The following FAM133A variants were observed in gnomAD, a reference collection of about 807,000 sequenced individuals.
FAM133A encodes the protein family with sequence similarity 133 member A.
For synonymous variants in FAM133A, 65 were observed against 58.6 expected (o/e 1.11, Z -0.50); for missense variants, 159 against 164.4 (o/e 0.97, Z 0.18).
chrX:93,696,823 G>A (rs1926314792), intron 2 of FAM133A, among the ~76,000 whole-genome samples: 1 of 109,975 alleles, frequency 9.1e-6, no homozygotes, highest in African/African-American at 3.3e-5. Flanking sequence ...GGGAGGCTGA[G>A]TCAGGAGAAT....
At chrX:93,708,010 C>T (rs900596009) in intron 3 of FAM133A, among the ~76,000 whole-genome samples, 3 of 111,581 alleles carry the variant, frequency 2.7e-5, no homozygotes, top group African/African-American at 9.8e-5. Flanking sequence ...ATAAAATAAA[C>T]GATGAACTAT....
chrX:93,688,747 G>C (rs1485414896), intron 2 of FAM133A, among the ~76,000 whole-genome samples: 6 of 110,622 alleles, frequency 5.4e-5, no homozygotes, highest in African/African-American at 2.0e-4. Flanking sequence ...GCTTTGTGGG[G>C]ATAGAAAAAA....
intron 3 of FAM133A, among the ~76,000 whole-genome samples, chrX:93,698,850 T>C (rs1926495127): frequency 9.0e-6 from 1 of 111,525 alleles, no homozygotes; most frequent in Non-Finnish European, 1.9e-5. Context: ...AGAGCTTCAG[T>C]GGTGAACTCT....
chrX:93,682,766 C>T (rs952680895), intron 2 of FAM133A, among the ~76,000 whole-genome samples: 1 of 110,740 alleles, frequency 9.0e-6, no homozygotes, highest in African/African-American at 3.3e-5. Flanking sequence ...CAGGCGTTCA[C>T]CACCATGCCC....
intron 2 of FAM133A, among the ~76,000 whole-genome samples, chrX:93,695,314 C>T (rs1004101661): frequency 9.0e-6 from 1 of 110,752 alleles, no homozygotes; most frequent in African/African-American, 3.3e-5. Context: ...AGTTCAATGG[C>T]GCAATCTAGG....
In FAM133A at chrX:93,710,255, C is replaced by A; in HGVS notation, c.*89C>A. The A allele has an allele frequency of 9.7e-7, 1 of 1,033,899 alleles. No individual in the cohort carries two copies. Among genetic ancestry groups the A allele is most frequent in the Non-Finnish European group, 1.3e-6 (1 of 785,187 alleles). 85.2% of individuals were successfully genotyped at this position (1,033,899 alleles called of 1,213,427 possible). A position where few individuals can be genotyped will look rare whatever the true frequency, so the allele number is the denominator to read the frequency against. On this transcript the variant is annotated 3_prime_UTR_variant, in exon 4 of 4. Coordinates refer to ENST00000683942, the MANE Select transcript of FAM133A (RefSeq NM_001171109.2). ...ACTTTGAGTTGCCTATCAAATCCCA[C>A]TGTGCCAGTAAGGGGCATAGTGGCT...
At chrX:93,677,813 G>T (rs1924824455) in intron 2 of FAM133A, among the ~76,000 whole-genome samples, 1 of 111,850 alleles carries the variant, frequency 8.9e-6, no homozygotes, top group Admixed American at 9.5e-5. Context: ...ACAATTTGTT[G>T]ATGGGCATTT....
In FAM133A at chrX:93,709,459, A is replaced by G. The variant is rs1447964912; in HGVS notation, c.40A>G (p.Ile14Val). Residue 14 changes from isoleucine to valine, a missense_variant, in exon 4 of 4, where the codon ATA (isoleucine) becomes GTA (valine). Transcript: ENST00000683942. ...RDNRVAYMNPIAMARWRGPTQ... is the reference protein window; with the variant it reads ...RDNRVAYMNPVAMARWRGPTQ... The stretch of plus-strand genomic sequence containing the variant: ...TAATCGGGTAGCCTATATGAATCCT[A>G]TAGCAATGGCCAGATGGAGAGGCCC... 3.4e-6 allele frequency: 4 copies of G among 1,193,617 alleles called. No homozygotes were observed. Among genetic ancestry groups the G allele is most frequent in the South Asian group, 1.9e-5 (1 of 53,145 alleles).
At position 93,711,474 on chromosome X, in the gene FAM133A, T is replaced by G. The variant is rs1927440870; in HGVS notation, c.*1308T>G. 1 of 122,809 alleles carries G rather than the reference T, an allele frequency of 8.1e-6. No homozygotes were observed. Among genetic ancestry groups the G allele is most frequent in the Admixed American group, 9.6e-5 (1 of 10,422 alleles). 10.1% of individuals were successfully genotyped at this position (122,809 alleles called of 1,213,427 possible). A position where few individuals can be genotyped will look rare whatever the true frequency, so the allele number is the denominator to read the frequency against. On this transcript the variant is annotated 3_prime_UTR_variant, in exon 4 of 4. Transcript: ENST00000683942. ...ACTAGTGTAAAAATAAGTGAAAAAA[T>G]ATTTTTACTTTACATTTTTATATAT... is the stretch of plus-strand genomic sequence containing the variant.
intron 3 of FAM133A, among the ~76,000 whole-genome samples, chrX:93,702,078 T>C (rs1427477777): frequency 8.9e-6 from 1 of 112,126 alleles, no homozygotes; most frequent in Non-Finnish European, 1.9e-5. Flanking sequence ...TGCAAAGTGC[T>C]TAATTTAAAC....
intron 3 of FAM133A, among the ~76,000 whole-genome samples, chrX:93,698,963 C>A (rs1602834359): frequency 9.0e-6 from 1 of 110,582 alleles, no homozygotes; most frequent in East Asian, 2.8e-4. Context: ...CCACACCTAA[C>A]TTTTTCAAGG....
chrX:93,700,842 G>A (rs1436633960), intron 3 of FAM133A, among the ~76,000 whole-genome samples: 1 of 111,244 alleles, frequency 9.0e-6, no homozygotes, highest in African/African-American at 3.3e-5. Context: ...TCTCTTTTCA[G>A]AAATACATTA....
At chrX:93,693,051 G>T (rs888419088) in intron 2 of FAM133A, among the ~76,000 whole-genome samples, 2 of 111,296 alleles carry the variant, frequency 1.8e-5, no homozygotes, top group Non-Finnish European at 3.8e-5. Flanking sequence ...GAACTGTAAG[G>T]TATTTTCTAG....
Position 93,709,932 on chromosome X carries a change from G to T in FAM133A, c.513G>T (p.Lys171Asn), listed in dbSNP as rs2147676914. 8.4e-7 allele frequency: 1 copy of T among 1,189,542 alleles called. No homozygotes were observed. Among genetic ancestry groups the T allele is most frequent in the Non-Finnish European group, 1.1e-6 (1 of 887,777 alleles). Residue 171 changes from lysine (K) to asparagine (N), a missense_variant, in exon 4 of 4, where the codon AAG becomes AAT. Transcript: ENST00000683942. Reference protein sequence around the residue: ...KKSKDETEKEKDVRSLSKKRK... With the variant: ...KKSKDETEKENDVRSLSKKRK... ...CAAAGGATGAAACAGAGAAAGAAAA[G>T]GATGTAAGAAGCCTCAGCAAAAAAA...
intron 2 of FAM133A, among the ~76,000 whole-genome samples, chrX:93,678,816 T>C (rs1924905782): frequency 8.9e-6 from 1 of 111,788 alleles, no homozygotes; most frequent in Non-Finnish European, 1.9e-5. Flanking sequence ...TTCCTTTGTG[T>C]ACTGATTTTA....
intron 2 of FAM133A, among the ~76,000 whole-genome samples, chrX:93,689,509 G>T (rs1004734932): frequency 2.0e-4 from 22 of 111,481 alleles, no homozygotes; most frequent in Non-Finnish European, 9.4e-5. Context: ...ATGCAAACAG[G>T]TTACAAAATA....
intron 2 of FAM133A, among the ~76,000 whole-genome samples, chrX:93,687,933 C>T (rs1167484041): frequency 2.7e-5 from 3 of 111,881 alleles, no homozygotes; most frequent in East Asian, 5.6e-4. Context: ...TTTCACTTAA[C>T]ATAATCTTCT....
At chrX:93,706,627 C>T (rs914083630) in intron 3 of FAM133A, among the ~76,000 whole-genome samples, 1 of 111,419 alleles carries the variant, frequency 9.0e-6, no homozygotes, top group Non-Finnish European at 1.9e-5. Flanking sequence ...AACCTTTTCT[C>T]GAAGTCTGTG....
Position 93,712,060 on chromosome X carries a change from A to G in FAM133A, c.*1894A>G, listed in dbSNP as rs1927478111. On this transcript the variant is annotated 3_prime_UTR_variant, in exon 4 of 4. Transcript: ENST00000683942. ...TAAACAGAAGTGATTTTCTATTTCC[A>G]TGTTGGACTGTAAAAAGTTCTGCAT... 8.1e-6 allele frequency: 1 copy of G among 122,783 alleles called. No individual in the cohort carries two copies. The highest frequency in any genetic ancestry group is 1.9e-5 in the Non-Finnish European group (1 of 53,118). The allele number at this position is 122,783 out of a possible 1,213,427, so 10.1% of individuals were successfully genotyped here. A position where few individuals can be genotyped will look rare whatever the true frequency, so the allele number is the denominator to read the frequency against.
Sources: gnomAD v4.1 joint callset for allele counts (sites outside exome capture counted in the v4.1 genomes callset) on GRCh38, gnomAD v4.1.1 for gene constraint, MANE v1.5 for transcripts, NCBI Gene and HGNC (gene_info 2026-07-23, HGNC 2026-07-21) for gene names.